Variants in CHD9 observed in about 807,000 individuals in gnomAD.
The protein encoded by CHD9 is ATP-dependent chromatin remodeler CHD9.
In CHD9, 77 loss-of-function variants were observed where a neutral mutation model predicts 316.1. That is an observed-to-expected ratio of 0.24 (90% CI 0.20 to 0.29). The LOEUF (loss-of-function observed/expected upper bound fraction) is 0.29. Ranked by LOEUF, CHD9 falls within the 10% of genes least tolerant of loss-of-function variation. CHD9 has a pLI of 1.00. For missense variants in CHD9, 2,763 were observed against 3,438.1 expected (o/e 0.80, Z 4.91); for synonymous variants, 1,129 against 1,158.3 (o/e 0.97, Z 0.51).
Position 53,325,216 on chromosome 16 carries a change from ATACTT to A in CHD9, c.*324_*328del, listed in dbSNP as rs1314419559. The A allele has an allele frequency of 5.1e-5, 10 of 195,022 alleles. No individual in the cohort carries two copies. The highest frequency in any genetic ancestry group is 2.2e-4 in the Admixed American group (4 of 18,546). The allele number at this position is 195,022 out of a possible 1,614,324, so 12.1% of individuals were successfully genotyped here. On this transcript the variant is annotated 3_prime_UTR_variant, in exon 39 of 39. Transcript: ENST00000447540. ...TTAATATATTTGCAGTGAACACAGA[ATACTT>A]TATGCATATTACTGATTTAATTTGA...
At chr16:53,204,226 C>T (rs995857569) in intron 2 of CHD9, among the ~76,000 whole-genome samples, 2 of 151,328 alleles carry the variant, frequency 1.3e-5, no homozygotes, top group African/African-American at 4.9e-5. Flanking sequence ...TCATTTTTCC[C>T]TTCTCTTTTT....
intron 13 of CHD9, among the ~76,000 whole-genome samples, chr16:53,243,629 G>A (rs911261919): frequency 1.3e-5 from 2 of 152,146 alleles, no homozygotes; most frequent in Non-Finnish European, 2.9e-5. Context: ...AGTAGACTAA[G>A]ACCATAAGTT....
chr16:53,222,146 G>A (rs2047297250), intron 3 of CHD9, among the ~76,000 whole-genome samples: 2 of 151,962 alleles, frequency 1.3e-5, no homozygotes, highest in Non-Finnish European at 2.9e-5. Context: ...GTGCGGTCTT[G>A]GCTCACTGCA....
intron 19 of CHD9, among the ~76,000 whole-genome samples, chr16:53,256,530 C>G (rs1351225840): frequency 6.6e-6 from 1 of 151,130 alleles, no homozygotes; most frequent in African/African-American, 2.4e-5. Context: ...GCCATGTTAG[C>G]CAGTCTGGTC....
intron 2 of CHD9, among the ~76,000 whole-genome samples, chr16:53,190,959 T>C (rs545745196): frequency 2.0e-5 from 3 of 152,126 alleles, no homozygotes; most frequent in Non-Finnish European, 4.4e-5. Context: ...AGGCATAATT[T>C]ACATACAATG....
At chr16:53,249,447 A>T (rs2049951886) in intron 16 of CHD9, among the ~76,000 whole-genome samples, 1 of 152,232 alleles carries the variant, frequency 6.6e-6, no homozygotes, top group Non-Finnish European at 1.5e-5. Flanking sequence ...AGATTGCAAT[A>T]TAGAAGCAAG....
chr16:53,324,695 A>G lies in CHD9; in HGVS notation c.8494A>G (p.Ser2832Gly). The G allele has an allele frequency of 1.2e-6, 2 of 1,613,496 alleles. No homozygotes were observed. Among genetic ancestry groups the G allele is most frequent in the Non-Finnish European group, 1.7e-6 (2 of 1,179,674 alleles). ...TACTTTTGATGTACAAAACAAAAAC[A>G]GTGACTTAGGCTCGTCTAAGTCTGT... ...SNTFDVQNKN[S>G]DLGSSKSVEV... Residue 2832 changes from serine to glycine, a missense_variant, in exon 39 of 39, where the codon AGT becomes GGT. This residue lies in a region of CHD9 where 298 missense variants were observed against 380.2 expected (regional missense o/e 0.78). Coordinates refer to ENST00000447540, the MANE Select transcript of CHD9 (RefSeq NM_001308319.2).
intron 2 of CHD9, among the ~76,000 whole-genome samples, chr16:53,177,357 G>T (rs1832468565): frequency 6.6e-6 from 1 of 152,128 alleles, no homozygotes; most frequent in Non-Finnish European, 1.5e-5. Flanking sequence ...TAGGTATTAG[G>T]AAAATATTTT....
At chr16:53,145,998 A>G (rs1272963934) in intron 1 of CHD9, among the ~76,000 whole-genome samples, 1 of 152,056 alleles carries the variant, frequency 6.6e-6, no homozygotes, top group Non-Finnish European at 1.5e-5. Context: ...TTGTACTTAT[A>G]TGAGTTGTCT....
intron 34 of CHD9, among the ~76,000 whole-genome samples, chr16:53,309,348 A>T (rs564531614): frequency 6.6e-6 from 1 of 152,162 alleles, no homozygotes; most frequent in African/African-American, 2.4e-5. Flanking sequence ...ATTGTCAGAA[A>T]ATTCCTCTAT....
At chr16:53,111,777 G>GAA (rs2037883844) in intron 1 of CHD9, among the ~76,000 whole-genome samples, 2 of 152,154 alleles carry the variant, frequency 1.3e-5, no homozygotes, top group Admixed American at 6.6e-5. Context: ...CATATGGTTT[G>GAA]ATACCACATT....
chr16:53,152,687 A>T (rs1037158902), intron 1 of CHD9, among the ~76,000 whole-genome samples: 3 of 152,220 alleles, frequency 2.0e-5, no homozygotes, highest in African/African-American at 7.2e-5. Flanking sequence ...AGGGCAAGGT[A>T]AATAGCAGGC....
intron 1 of CHD9, among the ~76,000 whole-genome samples, chr16:53,065,956 T>G (rs1302257555): frequency 2.6e-5 from 4 of 152,202 alleles, no homozygotes; most frequent in African/African-American, 9.7e-5. Flanking sequence ...CCTTAAGGAC[T>G]TCTGCAAATC....
chr16:53,157,253 G>C lies in CHD9; in HGVS notation c.1164G>C (p.Glu388Asp). The change falls in exon 2 of 39, where the codon GAG becomes GAC. Residue 388 changes from glutamate (E) to aspartate (D), a missense_variant. Physicochemically the swap from Glu to Asp is conservative, Grantham distance 45 (BLOSUM62 2). Around this residue, in one of 15 missense-constraint regions of CHD9, gnomAD observed 859 missense variants for 890.4 expected, o/e 0.96. Coordinates refer to ENST00000447540, the MANE Select transcript of CHD9 (RefSeq NM_001308319.2). ...VETNGFSSLE[E>D]NLLHQVESQT... Reference sequence around the variant, plus strand: ...CTAATGGCTTTTCATCTTTAGAAGAGAATTTACTTCATCAAGTGGAATCTC... The same window carrying C: ...CTAATGGCTTTTCATCTTTAGAAGACAATTTACTTCATCAAGTGGAATCTC... The C allele has an allele frequency of 6.2e-7, 1 of 1,601,850 alleles. No individual in the cohort carries two copies. The highest frequency in any genetic ancestry group is 8.5e-7 in the Non-Finnish European group (1 of 1,173,378).
chr16:53,059,291 A>G (rs2032563057), intron 1 of CHD9, among the ~76,000 whole-genome samples: 1 of 152,146 alleles, frequency 6.6e-6, no homozygotes, highest in Non-Finnish European at 1.5e-5. Context: ...AAAATTTCTC[A>G]TGTCCTTTAA....
At chr16:53,079,765 C>T (rs2034858646) in intron 1 of CHD9, among the ~76,000 whole-genome samples, 1 of 152,148 alleles carries the variant, frequency 6.6e-6, no homozygotes, top group Admixed American at 6.6e-5. Context: ...ATTTGAGGAG[C>T]ATCTGGGTTG....
intron 36 of CHD9, among the ~76,000 whole-genome samples, chr16:53,315,524 G>C (rs951694876): frequency 2.6e-5 from 4 of 152,088 alleles, no homozygotes; most frequent in Non-Finnish European, 4.4e-5. Flanking sequence ...TGTCACCCAG[G>C]CTGGAGTGCA....
At chr16:53,139,516 A>T (rs897191449) in intron 1 of CHD9, among the ~76,000 whole-genome samples, 1 of 152,154 alleles carries the variant, frequency 6.6e-6, no homozygotes, top group Non-Finnish European at 1.5e-5. Flanking sequence ...TCACAAGGGT[A>T]TTGAAGGTGA....
chr16:53,067,243 A>G (rs574189469), intron 1 of CHD9, among the ~76,000 whole-genome samples: 3 of 152,346 alleles, frequency 2.0e-5, no homozygotes, highest in South Asian at 2.1e-4. Context: ...GAGCCGGTCT[A>G]TCCTGTTATT....
Sources: gnomAD v4.1 joint callset for allele counts (sites outside exome capture counted in the v4.1 genomes callset) on GRCh38, gnomAD v4.1.1 for gene constraint, gnomAD v4.1.1 regional missense constraint, MANE v1.5 for transcripts, NCBI Gene and HGNC (gene_info 2026-07-23, HGNC 2026-07-21) for gene names.